The following PRDM16 variants were observed in gnomAD, a reference collection of about 807,000 sequenced individuals.
PRDM16 encodes the protein PR/SET domain 16, also known as histone-lysine N-methyltransferase PRDM16.
Under a neutral mutation model 110.6 loss-of-function variants are expected in PRDM16, and 23 were observed. That is an observed-to-expected ratio of 0.21 (90% CI 0.15 to 0.29). The LOEUF is 0.29. Ranked by LOEUF, PRDM16 falls within the 10% of genes least tolerant of loss-of-function variation. The pLI, the probability that PRDM16 is intolerant of heterozygous loss-of-function variation, is 1.00. For synonymous variants in PRDM16, 799 were observed against 781.8 expected, an observed-to-expected ratio of 1.02 and a Z score of -0.37; for missense variants, 1,615 against 1,794.3, an observed-to-expected ratio of 0.90 and a Z score of 1.81.
At chr1:3,396,111 G>A (rs1299487080) in intron 4 of PRDM16, among the ~76,000 whole-genome samples, 1 of 152,108 alleles carries the variant, frequency 6.6e-6, no homozygotes, top group Non-Finnish European at 1.5e-5. Flanking sequence ...GCCGCCACTG[G>A]CAAAGCGGGT....
Position 3,175,479 on chromosome 1 carries a change from G to A in PRDM16, c.38-10646G>A, listed in dbSNP as rs1644074133. Among the ~76,000 whole-genome samples, 1 of 152,178 alleles carries A rather than the reference G, an allele frequency of 6.6e-6. No homozygotes were observed. The highest frequency in any genetic ancestry group is 6.5e-5 in the Admixed American group (1 of 15,280). Reference sequence around the variant, plus strand: ...CCCTGTTTTGTTCAGGGGGCAGGATGGCCCTTCACTGCTCATGGGGACTCA... The same window carrying A: ...CCCTGTTTTGTTCAGGGGGCAGGATAGCCCTTCACTGCTCATGGGGACTCA... On this transcript the variant is annotated intron_variant, in intron 1 of 16. Coordinates refer to ENST00000270722, the MANE Select transcript of PRDM16 (RefSeq NM_022114.4). This position sits in a 1 kb window ranked among gnomAD's most constrained non-coding sequence, Gnocchi z 4.8.
rs765716061 is a variant in PRDM16 at position 3,081,205 on chromosome 1, T to A, written c.37+11909T>A. Among the ~76,000 whole-genome samples, 2 of 152,208 alleles carry A rather than the reference T, an allele frequency of 1.3e-5. No homozygotes were observed. Among genetic ancestry groups the A allele is most frequent in the Non-Finnish European group, 2.9e-5 (2 of 68,032 alleles). The stretch of plus-strand genomic sequence containing the variant: ...CTAAAAGCTGCTGTTTGTTATTGAA[T>A]CTCATCTGCTAATTACGGCGGCGGG... On this transcript the variant is annotated intron_variant, in intron 1 of 16. Coordinates refer to ENST00000270722, the MANE Select transcript of PRDM16 (RefSeq NM_022114.4). The surrounding 1 kb of genome is among the most constrained non-coding windows in gnomAD (Gnocchi z 4.6).
rs557674689 is a variant in PRDM16 at position 3,377,209 on chromosome 1, G to C, written c.439-7943G>C. ...GGCTCCCGCCAGCTCCTGGCTGTCA[G>C]AGGTGGACTCCATGGCCATGGGCTT... On this transcript the variant is annotated intron_variant, in intron 3 of 16. Transcript: ENST00000270722. Among the ~76,000 whole-genome samples the C allele has an allele frequency of 2.0e-5, 3 of 152,340 alleles. No individual in the cohort carries two copies. The South Asian group carries it at 6.2e-4, about 32-fold the overall frequency.
chr1:3,184,285 G>T (rs1283156858), intron 1 of PRDM16, among the ~76,000 whole-genome samples: 1 of 152,164 alleles, frequency 6.6e-6, no homozygotes, highest in Non-Finnish European at 1.5e-5. Flanking sequence ...GCTACTTCTT[G>T]TGCTGATCTG....
chr1:3,377,462 T>C (rs1380808717), intron 3 of PRDM16, among the ~76,000 whole-genome samples: 1 of 152,136 alleles, frequency 6.6e-6, no homozygotes, highest in Non-Finnish European at 1.5e-5. Context: ...AAACCTCAAA[T>C]TATATGCAAA....
At chr1:3,110,675 G>A (rs917386933) in intron 1 of PRDM16, among the ~76,000 whole-genome samples, 1 of 152,230 alleles carries the variant, frequency 6.6e-6, no homozygotes, top group African/African-American at 2.4e-5. Flanking sequence ...AAGAGAGAAT[G>A]TATTTCTGTT....
chr1:3,383,063 A>C (rs1379554674), intron 3 of PRDM16, among the ~76,000 whole-genome samples: 1 of 152,152 alleles, frequency 6.6e-6, no homozygotes, highest in African/African-American at 2.4e-5. Context: ...TACAGTTCCG[A>C]GTGGACAGAA....
Position 3,411,879 on chromosome 1 carries a change from C to G in PRDM16, c.1682C>G (p.Ala561Gly). 6.2e-7 allele frequency: 1 copy of G among 1,612,950 alleles called. No individual in the cohort carries two copies. The highest frequency in any genetic ancestry group is 8.5e-7 in the Non-Finnish European group (1 of 1,179,414). Residue 561 changes from alanine to glycine, a missense_variant, in exon 9 of 17, where the codon GCC (alanine) becomes GGC (glycine). By Grantham distance (60) the Ala-to-Gly change is moderately conservative (BLOSUM62 0). Around this residue, in one of 5 missense-constraint regions of PRDM16, gnomAD observed 772 missense variants for 748.3 expected, o/e 1.03. Transcript: ENST00000270722. ...AACCCAGCCCTGCCCCTGGTCTCCG[C>G]CGTCAGCAACAGCAGCCAGGGCACG... ...LGNPALPLVS[A>G]VSNSSQGTTA...
chr1:3,398,622 G>A (rs76821606), intron 5 of PRDM16, among the ~76,000 whole-genome samples: 2,885 of 152,262 alleles, frequency 0.019, 42 homozygotes, highest in Middle Eastern at 0.058. Context: ...TGAACCCCTC[G>A]GCTCTCCGGG....
intron 1 of PRDM16, among the ~76,000 whole-genome samples, chr1:3,174,532 C>T (rs1336600128): frequency 1.3e-5 from 2 of 152,130 alleles, no homozygotes; most frequent in Non-Finnish European, 2.9e-5. Flanking sequence ...GAGTGGGTCT[C>T]AATCTGCTTC....
chr1:3,351,229 G>A (rs1052791284), intron 3 of PRDM16, among the ~76,000 whole-genome samples: 2 of 152,120 alleles, frequency 1.3e-5, no homozygotes, highest in African/African-American at 4.8e-5. Context: ...CAGGCACTTG[G>A]GTGGCCACAG....
intron 3 of PRDM16, among the ~76,000 whole-genome samples, chr1:3,313,271 C>T (rs1271652990): frequency 3.3e-5 from 5 of 152,226 alleles, no homozygotes; most frequent in South Asian, 2.1e-4. Context: ...TGAAATGCCG[C>T]GGAGCTGGAG....
intron 2 of PRDM16, among the ~76,000 whole-genome samples, chr1:3,236,581 G>A (rs770769049): frequency 9.2e-5 from 14 of 152,050 alleles, no homozygotes; most frequent in African/African-American, 2.4e-4. Context: ...TGGGTGACCC[G>A]GGCTGGGGGC....
intron 1 of PRDM16, among the ~76,000 whole-genome samples, chr1:3,123,996 A>T (rs1643150844): frequency 6.6e-6 from 1 of 152,198 alleles, no homozygotes; most frequent in Admixed American, 6.5e-5. Flanking sequence ...TGGGCGTCCG[A>T]GTCGTCTCCT....
chr1:3,156,664 C>G (rs1643862540), intron 1 of PRDM16, among the ~76,000 whole-genome samples: 1 of 152,146 alleles, frequency 6.6e-6, no homozygotes, highest in African/African-American at 2.4e-5. Context: ...AATTTTTTCT[C>G]CAGACCAGAG....
Position 3,408,158 on chromosome 1 carries a change from G to A in PRDM16, c.1186+2510G>A, listed in dbSNP as rs551105114. Among the ~76,000 whole-genome samples, 13 of 152,290 alleles carry A rather than the reference G, an allele frequency of 8.5e-5. No individual in the cohort carries two copies. In the East Asian group the frequency reaches 1.9e-3, roughly 23 times the overall value. ...TGCTTGCAGGAGAGGTCACAGCTGC[G>A]CAGGCGCTCATGGCCAGACTCCGTG... On this transcript the variant is annotated intron_variant, in intron 8 of 16. Transcript: ENST00000270722.
At chr1:3,421,897 T>G in intron 12 of PRDM16, among the ~76,000 whole-genome samples, 1 of 141,050 alleles carries the variant, frequency 7.1e-6, no homozygotes, top group East Asian at 2.2e-4. Context: ...GACAGGAAGA[T>G]AGGCAGGCAA....
chr1:3,396,346 A>G (rs1643385942), intron 4 of PRDM16, 145 bp from the exon 5 acceptor site: 3 of 705,066 alleles, frequency 4.3e-6, no homozygotes, highest in East Asian at 2.7e-5. Context: ...CAAAAGTTCC[A>G]TAGTGGACCC....
intron 3 of PRDM16, among the ~76,000 whole-genome samples, chr1:3,383,966 G>A (rs1643152752): frequency 6.7e-6 from 1 of 148,774 alleles, no homozygotes; most frequent in Non-Finnish European, 1.5e-5. Context: ...CCTGCCCAAG[G>A]ACACACTTGC....
Sources: allele counts gnomAD v4.1 joint callset (sites outside exome capture counted in the v4.1 genomes callset), GRCh38; gene constraint gnomAD v4.1.1; regional missense constraint gnomAD v4.1.1; non-coding constraint Gnocchi (gnomAD v3.1); transcripts MANE v1.5; gene names NCBI Gene and HGNC (gene_info 2026-07-23, HGNC 2026-07-21).